Variants in DENND2B observed in about 807,000 individuals in gnomAD.
DENND2B encodes the protein DENN domain containing 2B.
Under a neutral mutation model 116.0 loss-of-function variants are expected in DENND2B, and 32 were observed. The observed-to-expected ratio is 0.28, with a 90% CI of 0.21 to 0.37. The LOEUF is 0.37. Ranked by LOEUF, DENND2B falls within the 10% of genes least tolerant of loss-of-function variation. DENND2B has a pLI of 1.00. For missense variants in DENND2B, 1,276 were observed against 1,477.7 expected, an observed-to-expected ratio of 0.86 and a Z score of 2.24; for synonymous variants, 588 against 583.9, an observed-to-expected ratio of 1.01 and a Z score of -0.10.
intron 2 of DENND2B, among the ~76,000 whole-genome samples, chr11:8,877,072 T>A (rs1008790049): frequency 1.3e-5 from 2 of 150,114 alleles, no homozygotes; most frequent in Admixed American, 6.6e-5. Context: ...AAGTCATCCT[T>A]CTTCCTTCTC....
At chr11:8,910,528 G>A (rs1017604959) in intron 1 of DENND2B, among the ~76,000 whole-genome samples, 19 of 151,858 alleles carry the variant, frequency 1.3e-4, no homozygotes, top group Admixed American at 1.1e-3. Flanking sequence ...CCGAGTACCT[G>A]GGACTACAGA....
rs1257939001 is a variant in DENND2B at position 8,701,370 on chromosome 11, T to G, written c.2720+1202A>C. Among the ~76,000 whole-genome samples the G allele has an allele frequency of 3.7e-4, 37 of 101,320 alleles. 2 individuals carry two copies. The highest frequency in any genetic ancestry group is 6.7e-4 in the East Asian group (2 of 3,004). 66.5% of individuals were successfully genotyped at this position (101,320 alleles called of 152,430 possible). ...GGGGGGGGGGGGGGGAGGGGCTACA[T>G]GAATGACATGCCTGGTCAAACCAAT... On this transcript the variant is annotated intron_variant, in intron 14 of 19. Transcript: ENST00000313726.
chr11:8,754,983 TCATTA>T (rs2053356380), intron 1 of DENND2B, among the ~76,000 whole-genome samples: 1 of 152,238 alleles, frequency 6.6e-6, no homozygotes. Context: ...ATATTAGAAA[TCATTA>T]CATTATATCA....
intron 1 of DENND2B, among the ~76,000 whole-genome samples, chr11:8,774,863 G>GGTTT (rs2057402751): frequency 7.3e-6 from 1 of 137,846 alleles, no homozygotes; most frequent in African/African-American, 2.9e-5. Flanking sequence ...TATTTTTTTC[G>GGTTT]TTTTTTTTTT....
chr11:8,833,170 T>G (rs2062284900), intron 4 of DENND2B, among the ~76,000 whole-genome samples: 3 of 152,090 alleles, frequency 2.0e-5, no homozygotes, highest in Admixed American at 2.0e-4. Flanking sequence ...GCTTCAGAGG[T>G]CATAAGGCTT....
At chr11:8,739,735 G>A (rs2133980209) in intron 2 of DENND2B, among the ~76,000 whole-genome samples, 1 of 152,292 alleles carries the variant, frequency 6.6e-6, no homozygotes, top group Admixed American at 6.5e-5. Flanking sequence ...GAGAGATGAA[G>A]TAAGATGAAC....
At chr11:8,872,470 G>C (rs980446550), upstream of DENND2B, among the ~76,000 whole-genome samples, 1 of 136,364 alleles carries the variant, frequency 7.3e-6, no homozygotes, top group Non-Finnish European at 1.5e-5. Flanking sequence ...CTGGGCAACA[G>C]AGTGAGACTC....
chr11:8,778,739 C>T (rs1454586933), intron 1 of DENND2B, among the ~76,000 whole-genome samples: 2 of 152,246 alleles, frequency 1.3e-5, no homozygotes, highest in Admixed American at 1.3e-4. Context: ...TCACCTCTCT[C>T]TCTTCTTCCC....
intron 14 of DENND2B, among the ~76,000 whole-genome samples, chr11:8,701,423 C>T (rs544207414): frequency 1.3e-5 from 2 of 150,796 alleles, no homozygotes; most frequent in South Asian, 2.1e-4. Context: ...AATCAAACAC[C>T]GCCTCCTCCA....
intron 5 of DENND2B, 77 bp downstream of exon 5, chr11:8,717,664 G>GTGGTC: frequency 4.5e-5 from 66 of 1,461,968 alleles, no homozygotes; most frequent in South Asian, 2.4e-4. Context: ...GTGGAAGCTG[G>GTGGTC]GCCCAAGTCT....
chr11:8,890,785 A>G (rs2064021811), intron 1 of DENND2B, among the ~76,000 whole-genome samples: 1 of 152,344 alleles, frequency 6.6e-6, no homozygotes, highest in Admixed American at 6.5e-5. Context: ...TGAAAGTGAC[A>G]GGGAGAATGG....
chr11:8,778,703 G>A (rs2058022401), intron 1 of DENND2B, among the ~76,000 whole-genome samples: 1 of 152,218 alleles, frequency 6.6e-6, no homozygotes, highest in Non-Finnish European at 1.5e-5. Context: ...GCCCACATTA[G>A]TCACTGCTGC....
chr11:8,869,593 C>T (rs1331481579), intron 2 of DENND2B, among the ~76,000 whole-genome samples: 1 of 150,982 alleles, frequency 6.6e-6, no homozygotes, highest in Non-Finnish European at 1.5e-5. Flanking sequence ...ACCCAGGAGG[C>T]GGGGGTTGCA....
chr11:8,884,957 C>T (rs1482000450), intron 1 of DENND2B, among the ~76,000 whole-genome samples: 1 of 152,182 alleles, frequency 6.6e-6, no homozygotes, highest in Non-Finnish European at 1.5e-5. Flanking sequence ...TCCAGAAGTA[C>T]TAAGGGGCCA....
At chr11:8,894,574 A>G (rs1275474117) in intron 1 of DENND2B, among the ~76,000 whole-genome samples, 1 of 152,202 alleles carries the variant, frequency 6.6e-6, no homozygotes, top group Non-Finnish European at 1.5e-5. Context: ...CAACCCCATC[A>G]AAAAGTGGGC....
At chr11:8,759,313 AAGC>A (rs564688717) in intron 1 of DENND2B, among the ~76,000 whole-genome samples, 148 of 152,278 alleles carry the variant, frequency 9.7e-4, no homozygotes, top group African/African-American at 3.5e-3. Flanking sequence ...CTTGCTCTTG[AAGC>A]AGGAGACAGC....
intron 1 of DENND2B, among the ~76,000 whole-genome samples, chr11:8,807,538 C>T (rs1211958617): frequency 6.6e-6 from 1 of 152,148 alleles, no homozygotes; most frequent in Admixed American, 6.5e-5. Flanking sequence ...CAGTGTATTT[C>T]AAAGTTTCAT....
At chr11:8,760,675 T>C (rs936049509) in intron 1 of DENND2B, among the ~76,000 whole-genome samples, 1 of 152,166 alleles carries the variant, frequency 6.6e-6, no homozygotes, top group Non-Finnish European at 1.5e-5. Context: ...CTCAAGACTG[T>C]CCCATTCCCT....
At chr11:8,697,985 A>C (rs188302493) in intron 16 of DENND2B, 622 of 444,712 alleles carry the variant, frequency 1.4e-3, no homozygotes, top group Non-Finnish European at 2.5e-3. Context: ...CACACAAAAA[A>C]ACAATTAGTC....
Sources: allele counts gnomAD v4.1 joint callset (sites outside exome capture counted in the v4.1 genomes callset), GRCh38; gene constraint gnomAD v4.1.1; transcripts MANE v1.5; gene names NCBI Gene and HGNC (gene_info 2026-07-23, HGNC 2026-07-21).